Variants in ZNF529 observed in about 807,000 individuals in gnomAD.
ZNF529 encodes the protein zinc finger protein 529.
A neutral mutation model predicts 10.1 loss-of-function variants in ZNF529; 11 were observed. The observed-to-expected ratio is 1.09, with a 90% CI of 0.69 to 1.81. The LOEUF is 1.81. Ranked by LOEUF, ZNF529 falls within the 40% of genes most tolerant of loss-of-function variation. The pLI is 0.00. For synonymous variants in ZNF529, 204 were observed against 215.7 expected (o/e 0.95, Z 0.47); for missense variants, 624 against 666.8 (o/e 0.94, Z 0.71).
chr19:36,602,283 T>C (rs987660677), intron 1 of ZNF529, among the ~76,000 whole-genome samples: 3 of 151,126 alleles, frequency 2.0e-5, no homozygotes, highest in African/African-American at 4.9e-5. Context: ...CCCGACCTTG[T>C]GATCCACCCA....
At chr19:36,590,278 G>C (rs902593268) in intron 1 of ZNF529, among the ~76,000 whole-genome samples, 1 of 152,146 alleles carries the variant, frequency 6.6e-6, no homozygotes, top group African/African-American at 2.4e-5. Flanking sequence ...GGGAGGCTGA[G>C]GCAGAAGGAT....
intron 4 of ZNF529, among the ~76,000 whole-genome samples, chr19:36,553,928 T>C (rs2035358614): frequency 6.6e-6 from 1 of 152,236 alleles, no homozygotes; most frequent in Non-Finnish European, 1.5e-5. Context: ...TCAGTCTATG[T>C]GTATAAAGTG....
intron 2 of ZNF529, among the ~76,000 whole-genome samples, chr19:36,558,177 T>C (rs963740366): frequency 6.6e-6 from 1 of 151,746 alleles, no homozygotes; most frequent in Admixed American, 6.6e-5. Context: ...CTCAGAGAAA[T>C]GTGGGACCCC....
chr19:36,573,907 A>T (rs1234914170), upstream of ZNF529, among the ~76,000 whole-genome samples: 1 of 152,188 alleles, frequency 6.6e-6, no homozygotes, highest in African/African-American at 2.4e-5. Context: ...CCGTGGTCGT[A>T]AACCTGAGGG....
chr19:36,572,348 A>T lies in ZNF529; in HGVS notation c.-2T>A. 6.4e-7 allele frequency: 1 copy of T among 1,551,076 alleles called. No individual in the cohort carries two copies. The highest frequency in any genetic ancestry group is 8.7e-7 in the Non-Finnish European group (1 of 1,146,826). ...AAAAACTAACCTTGAGTTGGCCATT[A>T]GTACCAATGCTGTCTTCCACTTCAG... On this transcript the variant is annotated 5_prime_UTR_variant, in exon 2 of 5. Transcript: ENST00000591340.
At chr19:36,557,130 A>G (rs1477443550) in intron 2 of ZNF529, among the ~76,000 whole-genome samples, 1 of 152,196 alleles carries the variant, frequency 6.6e-6, no homozygotes, top group African/African-American at 2.4e-5. Context: ...CAATACTGCC[A>G]TAAGTTGCAA....
chr19:36,555,173 T>C (rs1241795148), intron 3 of ZNF529, among the ~76,000 whole-genome samples: 4 of 152,224 alleles, frequency 2.6e-5, no homozygotes, highest in African/African-American at 9.6e-5. Context: ...GAAAAATATC[T>C]AACTTTGAAA....
Position 36,547,177 on chromosome 19 carries a change from G to C in ZNF529, c.1381C>G (p.Leu461Val). The C allele has an allele frequency of 6.2e-7, 1 of 1,612,192 alleles. No homozygotes were observed. ...ECKECGKFFR[L>V]TSALIQHQRI... is the part of the protein sequence containing the mutation. ...TGATGTTGAATAAGGGCTGACGTAA[G>C]TCTAAAGAACTTTCCACACTCCTTA... is the stretch of plus-strand genomic sequence containing the variant. The change falls in exon 5 of 5, where the codon CTT becomes GTT. Residue 461 changes from leucine to valine, a missense_variant. Physicochemically the swap from Leu to Val is conservative, Grantham distance 32 (BLOSUM62 1). Coordinates refer to ENST00000591340, the MANE Select transcript of ZNF529 (RefSeq NM_020951.5).
upstream of ZNF529, chr19:36,577,264 T>C (rs1024116883): frequency 4.8e-6 from 2 of 420,142 alleles, no homozygotes; most frequent in Non-Finnish European, 9.5e-6. Flanking sequence ...CCGGCCCTAC[T>C]TTCTATCGAA....
chr19:36,553,245 C>G (rs1446764434), intron 4 of ZNF529, among the ~76,000 whole-genome samples: 1 of 152,050 alleles, frequency 6.6e-6, no homozygotes, highest in South Asian at 2.1e-4. Flanking sequence ...CAGCAATTCT[C>G]CTGCCTCAGC....
chr19:36,592,122 G>GAA (rs548552480), intron 1 of ZNF529, among the ~76,000 whole-genome samples: 1 of 137,626 alleles, frequency 7.3e-6, no homozygotes, highest in African/African-American at 2.6e-5. Flanking sequence ...TAAAAATACA[G>GAA]AAAAAAAAAA....
At chr19:36,590,861 T>G (rs1475077789) in intron 1 of ZNF529, among the ~76,000 whole-genome samples, 1 of 134,878 alleles carries the variant, frequency 7.4e-6, no homozygotes, top group Non-Finnish European at 1.6e-5. Flanking sequence ...ACCTGGGAGG[T>G]GGAGGTTGCA....
chr19:36,587,122 A>G (rs1186759612), intron 2 of ZNF529, among the ~76,000 whole-genome samples: 1 of 151,774 alleles, frequency 6.6e-6, no homozygotes, highest in Non-Finnish European at 1.5e-5. Flanking sequence ...AAAATTAGCC[A>G]GGCGTGGTGG....
intron 1 of ZNF529, among the ~76,000 whole-genome samples, chr19:36,591,943 C>G (rs574868439): frequency 2.0e-4 from 31 of 151,868 alleles, no homozygotes; most frequent in Non-Finnish European, 2.1e-4. Flanking sequence ...AAAGAAATGA[C>G]AGACCAAAAA....
intron 2 of ZNF529, among the ~76,000 whole-genome samples, chr19:36,568,146 A>C (rs1490050856): frequency 6.6e-6 from 1 of 152,196 alleles, no homozygotes; most frequent in Non-Finnish European, 1.5e-5. Context: ...AGGAAGCTTC[A>C]ATTCCCTATT....
Position 36,546,124 on chromosome 19 carries a change from A to G in ZNF529, c.*742T>C, listed in dbSNP as rs943285643. 6.0e-5 allele frequency: 9 copies of G among 149,820 alleles called. No individual in the cohort carries two copies. The highest frequency in any genetic ancestry group is 2.2e-4 in the African/African-American group (9 of 40,878). The allele number at this position is 149,820 out of a possible 1,614,324, so 9.3% of individuals were successfully genotyped here. ...TGTGTGGGCATATATAGTATACATC[A>G]CACACATATACATCACACACTATAT... is the stretch of plus-strand genomic sequence containing the variant. On this transcript the variant is annotated 3_prime_UTR_variant, in exon 5 of 5. Transcript: ENST00000591340.
intron 1 of ZNF529, among the ~76,000 whole-genome samples, chr19:36,601,358 C>A (rs2036921238): frequency 1.3e-5 from 2 of 151,924 alleles, no homozygotes; most frequent in Non-Finnish European, 2.9e-5. Context: ...CCTGCCTCGG[C>A]CTCCCAAAGT....
intron 2 of ZNF529, among the ~76,000 whole-genome samples, chr19:36,563,006 G>A (rs2035765972): frequency 6.6e-6 from 1 of 152,316 alleles, no homozygotes; most frequent in East Asian, 1.9e-4. Context: ...GGCACCCTTG[G>A]AAGAGGACAT....
In ZNF529 at chr19:36,602,657, G is replaced by C. The variant is rs183382193; in HGVS notation, c.-128+2469C>G. On this transcript the variant is annotated intron_variant, in intron 1 of 4. Coordinates refer to the ZNF529 transcript ENST00000585960. The stretch of plus-strand genomic sequence containing the variant: ...AAGAAAAAAACACCTGGCCGGGCAC[G>C]GTGGCTCACGCCTGTAATCCCAGCA... Among the ~76,000 whole-genome samples, 1,072 of 152,172 alleles carry C rather than the reference G, an allele frequency of 7.0e-3. 8 individuals carry two copies. Among genetic ancestry groups the C allele is most frequent in the African/African-American group, 0.024 (979 of 41,534 alleles).
Sources: allele counts gnomAD v4.1 joint callset (sites outside exome capture counted in the v4.1 genomes callset), GRCh38; gene constraint gnomAD v4.1.1; transcripts MANE v1.5; gene names NCBI Gene and HGNC (gene_info 2026-07-23, HGNC 2026-07-21).